The following PCDHGA8 variants were observed in gnomAD, a reference collection of about 807,000 sequenced individuals.
The protein encoded by PCDHGA8 is protocadherin gamma-A8.
A neutral mutation model predicts 59.2 loss-of-function variants in PCDHGA8; 45 were observed. That is an observed-to-expected ratio of 0.76 (90% CI 0.60 to 0.98). The LOEUF (loss-of-function observed/expected upper bound fraction) is 0.98, where lower values mean the gene tolerates loss of function less well. Among genes scored for constraint, PCDHGA8 ranks in the 50% least tolerant of loss-of-function variants. The pLI is 0.00. For synonymous variants in PCDHGA8, 531 were observed against 519.0 expected, an observed-to-expected ratio of 1.02 and a Z score of -0.32; for missense variants, 1,257 against 1,196.2, an observed-to-expected ratio of 1.05 and a Z score of -0.75.
chr5:141,414,378 C>T lies in PCDHGA8; in HGVS notation c.2424+19141C>T, dbSNP rs958748519. ...ATCTACCATTTAAATTAGAAAAGTC[C>T]ATTGACAGTTATTACAGATTGGTGA... On this transcript the variant is annotated intron_variant, in intron 1 of 3. Coordinates refer to ENST00000398604, the MANE Select transcript of PCDHGA8 (RefSeq NM_032088.2). 3.1e-6 allele frequency: 5 copies of T among 1,613,736 alleles called. No individual in the cohort carries two copies. In the African/African-American group the frequency reaches 5.3e-5, roughly 17 times the overall value.
Position 141,432,479 on chromosome 5 carries a change from G to A in PCDHGA8, c.2424+37242G>A, listed in dbSNP as rs771261875. ...CGCCCTCCCCACGGACGGTTCCACT[G>A]GCGTGGAGCTGGCTCCCCGCTCCGC... On this transcript the variant is annotated intron_variant, in intron 1 of 3. Transcript: ENST00000398604. The surrounding 1 kb of genome is among the most constrained non-coding windows in gnomAD (Gnocchi z 6.0). The A allele has an allele frequency of 3.8e-5, 62 of 1,614,076 alleles. No individual in the cohort carries two copies. Among genetic ancestry groups the A allele is most frequent in the Non-Finnish European group, 4.9e-5 (58 of 1,180,052 alleles).
intron 1 of PCDHGA8, among the ~76,000 whole-genome samples, chr5:141,481,153 A>G (rs1376488411): frequency 2.0e-5 from 3 of 152,224 alleles, no homozygotes; most frequent in Non-Finnish European, 4.4e-5. Context: ...TTATTCTGGT[A>G]TTTGCAGAAC....
intron 1 of PCDHGA8, among the ~76,000 whole-genome samples, chr5:141,444,758 T>C (rs1430492886): frequency 1.3e-5 from 2 of 152,262 alleles, no homozygotes; most frequent in East Asian, 3.8e-4. Flanking sequence ...TATGTAGTTC[T>C]ATTTCTATAT....
intron 1 of PCDHGA8, among the ~76,000 whole-genome samples, chr5:141,456,640 TG>T (rs1258175023): frequency 6.6e-6 from 1 of 152,130 alleles, no homozygotes; most frequent in Non-Finnish European, 1.5e-5. Flanking sequence ...TTACTACAGG[TG>T]TTAATCCCAA....
chr5:141,431,004 G>A lies in PCDHGA8; in HGVS notation c.2424+35767G>A, dbSNP rs569594120. The A allele has an allele frequency of 6.2e-7, 1 of 1,614,048 alleles. No homozygotes were observed. The highest frequency in any genetic ancestry group is 1.1e-5 in the South Asian group (1 of 91,074). On this transcript the variant is annotated intron_variant, in intron 1 of 3. Coordinates refer to ENST00000398604, the MANE Select transcript of PCDHGA8 (RefSeq NM_032088.2). The surrounding 1 kb of genome is among the most constrained non-coding windows in gnomAD (Gnocchi z 4.8). ...CTTTTCGCCCTGAATCCGCGCAGCG[G>A]CAGCTTGGTCACGGCGGGCAGGATA... is the stretch of plus-strand genomic sequence containing the variant.
At chr5:141,423,567 C>T (rs771827702) in intron 1 of PCDHGA8, 4 of 1,613,602 alleles carry the variant, frequency 2.5e-6, no homozygotes, top group Admixed American at 1.7e-5. Flanking sequence ...GGGACACGCT[C>T]ATCAGCCAGG....
At chr5:141,510,321 CA>C (rs1376271166) in intron 3 of PCDHGA8, among the ~76,000 whole-genome samples, 1 of 150,840 alleles carries the variant, frequency 6.6e-6, no homozygotes, top group Non-Finnish European at 1.5e-5. Context: ...CTTGGAAGAG[CA>C]CTCTTCACCC....
intron 1 of PCDHGA8, among the ~76,000 whole-genome samples, chr5:141,457,215 T>C (rs1356941645): frequency 1.3e-5 from 2 of 152,186 alleles, no homozygotes; most frequent in South Asian, 2.1e-4. Flanking sequence ...AAATGTGGTG[T>C]GGTAGGTAAT....
At position 141,394,860 on chromosome 5, in the gene PCDHGA8, G is replaced by A; in HGVS notation, c.2047G>A (p.Asp683Asn). ...TELGSLKPSV[D>N]PNDSSLTLYL... The stretch of plus-strand genomic sequence containing the variant: ...GTTGGGCAGTCTGAAGCCTTCGGTC[G>A]ACCCGAACGATTCGAGCCTTACACT... The change falls in exon 1 of 4, where the codon GAC (aspartate) becomes AAC (asparagine). Residue 683 changes from aspartate (D) to asparagine (N), a missense_variant. By Grantham distance (23) the Asp-to-Asn change is conservative (BLOSUM62 1). Transcript: ENST00000398604. 1 of 1,613,792 alleles carries A rather than the reference G, an allele frequency of 6.2e-7. No individual in the cohort carries two copies. The highest frequency in any genetic ancestry group is 1.3e-5 in the African/African-American group (1 of 75,030).
rs558951022 is a variant in PCDHGA8 at position 141,501,554 on chromosome 5, C to T, written c.2484-3839C>T. On this transcript the variant is annotated intron_variant, in intron 2 of 3. Coordinates refer to ENST00000398604, the MANE Select transcript of PCDHGA8 (RefSeq NM_032088.2). ...CGTTGTTGTGCATAAGATCATAGGC[C>T]CTGGAATCATATTAGGCTGGCTTTC... is the stretch of plus-strand genomic sequence containing the variant. Among the ~76,000 whole-genome samples the T allele has an allele frequency of 3.3e-5, 5 of 152,044 alleles. No homozygotes were observed. In the East Asian group the frequency reaches 7.8e-4, roughly 24 times the overall value.
intron 1 of PCDHGA8, among the ~76,000 whole-genome samples, chr5:141,436,383 G>C (rs1374382672): frequency 6.6e-6 from 1 of 152,104 alleles, no homozygotes; most frequent in Admixed American, 6.5e-5. Context: ...AGCTGAATAG[G>C]CTTTATTAAA....
At position 141,394,528 on chromosome 5, in the gene PCDHGA8, C is replaced by T. The variant is rs1465272752; in HGVS notation, c.1715C>T (p.Ser572Phe). Reference sequence around the variant, plus strand: ...TACCCCGCCCTCCCCACAGACGGTTCCACTGGCGTGGAGCTGGCGCCCCGC... The same window carrying T: ...TACCCCGCCCTCCCCACAGACGGTTTCACTGGCGTGGAGCTGGCGCCCCGC... ...ILYPALPTDGSTGVELAPRSA... is the reference protein window; with the variant it reads ...ILYPALPTDGFTGVELAPRSA... The change falls in exon 1 of 4, where the codon TCC becomes TTC. Residue 572 changes from serine (S) to phenylalanine (F), a missense_variant. Ser to Phe is a radical substitution (Grantham distance 155). Transcript: ENST00000398604. 3 of 1,614,096 alleles carry T rather than the reference C, an allele frequency of 1.9e-6. No individual in the cohort carries two copies. The highest frequency in any genetic ancestry group is 2.5e-6 in the Non-Finnish European group (3 of 1,180,058).
intron 1 of PCDHGA8, chr5:141,409,917 C>G: frequency 6.2e-7 from 1 of 1,613,376 alleles, no homozygotes; most frequent in South Asian, 1.1e-5. Flanking sequence ...CCTGACGGCT[C>G]CGCGTTCTTC....
intron 1 of PCDHGA8, among the ~76,000 whole-genome samples, chr5:141,460,536 G>A (rs911670681): frequency 2.0e-5 from 3 of 152,092 alleles, no homozygotes; most frequent in African/African-American, 7.2e-5. Flanking sequence ...AATAATCTTA[G>A]CACCTTAATC....
chr5:141,487,864 C>A lies in PCDHGA8; in HGVS notation c.2425-6943C>A. On this transcript the variant is annotated intron_variant, in intron 1 of 3. Coordinates refer to ENST00000398604, the MANE Select transcript of PCDHGA8 (RefSeq NM_032088.2). The surrounding 1 kb of genome is among the most constrained non-coding windows in gnomAD (Gnocchi z 5.0). ...GTAAGAAATGAAAGTAATTGGTGAT[C>A]AAGAGCCAGGCTGTTGTGGAAGCAT... 1 of 899,610 alleles carries A rather than the reference C, an allele frequency of 1.1e-6. No individual in the cohort carries two copies. Among genetic ancestry groups the A allele is most frequent in the Non-Finnish European group, 1.7e-6 (1 of 599,584 alleles). The allele number at this position is 899,610 out of a possible 1,614,324, so 55.7% of individuals were successfully genotyped here.
chr5:141,399,522 C>T, intron 1 of PCDHGA8: 6 of 1,614,056 alleles, frequency 3.7e-6, no homozygotes, highest in Non-Finnish European at 5.1e-6. Flanking sequence ...CTCCTGGGGC[C>T]TCCATCGCGC....
chr5:141,404,710 C>A (rs772390810), intron 1 of PCDHGA8: 1 of 1,614,014 alleles, frequency 6.2e-7, no homozygotes, highest in African/African-American at 1.3e-5. Flanking sequence ...AGCCTGGCTA[C>A]CTGGTGACCA....
chr5:141,511,233 TACCTGC>T lies in PCDHGA8; in HGVS notation c.*64_*69del. 4 of 1,595,428 alleles carry T rather than the reference TACCTGC, an allele frequency of 2.5e-6. No individual in the cohort carries two copies. The highest frequency in any genetic ancestry group is 3.4e-6 in the Non-Finnish European group (4 of 1,170,894). ...CTCCCCAACCAGCCCAGCTTCTCCT[TACCTGC>T]ACCCAGGCCTCAGAGTTTCAGGGCT... On this transcript the variant is annotated 3_prime_UTR_variant, in exon 4 of 4. Transcript: ENST00000398604.
At chr5:141,423,022 T>C in intron 1 of PCDHGA8, 1 of 1,614,194 alleles carries the variant, frequency 6.2e-7, no homozygotes, top group Non-Finnish European at 8.5e-7. Flanking sequence ...GGACAAAGAT[T>C]CAGGCCAGAA....
Sources: gnomAD v4.1 joint callset for allele counts (sites outside exome capture counted in the v4.1 genomes callset) on GRCh38, gnomAD v4.1.1 for gene constraint, Gnocchi (gnomAD v3.1) non-coding constraint, MANE v1.5 for transcripts, NCBI Gene and HGNC (gene_info 2026-07-23, HGNC 2026-07-21) for gene names.